The following PSTPIP2 variants were observed in gnomAD, a reference collection of about 807,000 sequenced individuals.
PSTPIP2 encodes the protein proline-serine-threonine phosphatase-interacting protein 2.
A neutral mutation model predicts 63.3 loss-of-function variants in PSTPIP2; 33 were observed. The ratio of observed to expected loss-of-function variants is 0.52; its 90% CI spans 0.40 to 0.70. The LOEUF is 0.70. Among genes scored for constraint, PSTPIP2 ranks in the 30% least tolerant of loss-of-function variants. The probability of loss-of-function intolerance (pLI) is 0.00; values close to 1 mark genes in which losing one functional copy is unlikely to be tolerated. For missense variants in PSTPIP2, 312 were observed against 400.7 expected, an observed-to-expected ratio of 0.78 and a Z score of 1.89; for synonymous variants, 125 against 132.7, an observed-to-expected ratio of 0.94 and a Z score of 0.40.
chr18:46,069,113 G>C (rs560031748), intron 1 of PSTPIP2, among the ~76,000 whole-genome samples: 2 of 152,172 alleles, frequency 1.3e-5, no homozygotes, highest in African/African-American at 4.8e-5. Flanking sequence ...GTTCAGGGAC[G>C]ATTTGGACCT....
chr18:45,985,323 A>G lies in PSTPIP2; in HGVS notation c.*136T>C. ...CCTAAATGTCTACCATAAATTTTAAATCTCTAAAAAATTATAGCAAGGGTT... is the reference window on the plus strand; with the variant it reads ...CCTAAATGTCTACCATAAATTTTAAGTCTCTAAAAAATTATAGCAAGGGTT... On this transcript the variant is annotated 3_prime_UTR_variant, in exon 15 of 15. Coordinates refer to ENST00000409746, the MANE Select transcript of PSTPIP2 (RefSeq NM_024430.4). 7.8e-7 allele frequency: 1 copy of G among 1,280,430 alleles called. No individual in the cohort carries two copies. The highest frequency in any genetic ancestry group is 1.1e-6 in the Non-Finnish European group (1 of 915,068). The allele number at this position is 1,280,430 out of a possible 1,614,324, so 79.3% of individuals were successfully genotyped here.
intron 2 of PSTPIP2, among the ~76,000 whole-genome samples, chr18:46,027,584 G>C (rs1232507662): frequency 6.6e-6 from 1 of 152,050 alleles, no homozygotes; most frequent in Admixed American, 6.6e-5. Context: ...CTGCTACTCA[G>C]GAGGCGGAGG....
At chr18:46,019,979 G>A (rs1213791328) in intron 3 of PSTPIP2, among the ~76,000 whole-genome samples, 1 of 152,150 alleles carries the variant, frequency 6.6e-6, no homozygotes, top group African/African-American at 2.4e-5. Context: ...TAGATTGAAA[G>A]GCCAGCCTTA....
intron 1 of PSTPIP2, among the ~76,000 whole-genome samples, chr18:46,052,547 G>A (rs530976541): frequency 2.0e-5 from 3 of 149,116 alleles, no homozygotes; most frequent in East Asian, 4.1e-4. Context: ...CAAGTTAATA[G>A]AAAATGTTTA....
At position 45,985,346 on chromosome 18, in the gene PSTPIP2, G is replaced by T. The variant is rs1028350699; in HGVS notation, c.*113C>A. 13 of 1,411,170 alleles carry T rather than the reference G, an allele frequency of 9.2e-6. No individual in the cohort carries two copies. In the African/African-American group the frequency reaches 1.3e-4, roughly 15 times the overall value. The allele number at this position is 1,411,170 out of a possible 1,614,324, so 87.4% of individuals were successfully genotyped here. ...AAATCTCTAAAAAATTATAGCAAGG[G>T]TTCACTTCAAAGTCTTCATTGCTGA... On this transcript the variant is annotated 3_prime_UTR_variant, in exon 15 of 15. Coordinates refer to ENST00000409746, the MANE Select transcript of PSTPIP2 (RefSeq NM_024430.4).
At chr18:46,044,134 C>CTTTATA (rs1908293238) in intron 1 of PSTPIP2, among the ~76,000 whole-genome samples, 1 of 152,106 alleles carries the variant, frequency 6.6e-6, no homozygotes, top group African/African-American at 2.4e-5. Context: ...ATTTGCAAGT[C>CTTTATA]AGACCTAAAA....
chr18:46,053,146 C>G (rs1908639716), intron 1 of PSTPIP2, among the ~76,000 whole-genome samples: 1 of 152,142 alleles, frequency 6.6e-6, no homozygotes, highest in African/African-American at 2.4e-5. Context: ...AGTGGGTCAG[C>G]CTTCTCCAAT....
intron 1 of PSTPIP2, 118 bp downstream of exon 1, chr18:46,072,038 C>T: frequency 7.7e-7 from 1 of 1,304,508 alleles, no homozygotes; most frequent in Non-Finnish European, 1.0e-6. Flanking sequence ...CGCCAAGCCC[C>T]CGGGCGCGCG....
At chr18:46,003,016 T>C (rs528050380) in intron 6 of PSTPIP2, among the ~76,000 whole-genome samples, 2 of 152,324 alleles carry the variant, frequency 1.3e-5, no homozygotes, top group East Asian at 3.9e-4. Flanking sequence ...TTAAGGCTTC[T>C]GTTTTAGCTA....
At chr18:46,052,851 T>C (rs1373566046) in intron 1 of PSTPIP2, among the ~76,000 whole-genome samples, 1 of 152,218 alleles carries the variant, frequency 6.6e-6, no homozygotes, top group Non-Finnish European at 1.5e-5. Context: ...TCAAAGAGTC[T>C]ATTTACTTTC....
intron 1 of PSTPIP2, among the ~76,000 whole-genome samples, chr18:46,060,257 C>T (rs1480870239): frequency 1.3e-5 from 2 of 151,950 alleles, no homozygotes; most frequent in African/African-American, 4.8e-5. Context: ...ACTGCAATTC[C>T]TTAAATTTTT....
At chr18:46,027,297 AAAATAAATAAATAAATAAAT>A (rs67989237) in intron 2 of PSTPIP2, among the ~76,000 whole-genome samples, 37 of 141,822 alleles carry the variant, frequency 2.6e-4, no homozygotes, top group East Asian at 2.4e-3. Context: ...CTCCATCTCA[AAAATAAATAAATAAATAAAT>A]AAATAAATAA....
intron 1 of PSTPIP2, among the ~76,000 whole-genome samples, chr18:46,067,220 A>T (rs866352918): frequency 1.4e-4 from 22 of 151,938 alleles, no homozygotes; most frequent in African/African-American, 5.3e-4. Context: ...AATTCGACCT[A>T]GGCTGGGCGC....
chr18:45,998,889 G>C, intron 7 of PSTPIP2, 50 bp from the exon 8 acceptor site: 1 of 1,604,814 alleles, frequency 6.2e-7, no homozygotes, highest in African/African-American at 1.3e-5. Context: ...TGGGAATGCT[G>C]GACGAGGCTT....
At chr18:46,059,727 T>C (rs1908922804) in intron 1 of PSTPIP2, among the ~76,000 whole-genome samples, 1 of 152,188 alleles carries the variant, frequency 6.6e-6, no homozygotes, top group Non-Finnish European at 1.5e-5. Flanking sequence ...TCATTTTTTG[T>C]TTAATAAAAA....
chr18:46,042,273 C>T (rs1242806633), intron 1 of PSTPIP2, among the ~76,000 whole-genome samples: 1 of 152,172 alleles, frequency 6.6e-6, no homozygotes, highest in African/African-American at 2.4e-5. Context: ...CATACATACC[C>T]CTCTGTCTTA....
intron 9 of PSTPIP2, chr18:45,994,093 T>C: frequency 3.5e-6 from 1 of 288,912 alleles, no homozygotes. Context: ...GGCAAGATGG[T>C]CATAATTGTT....
At chr18:46,014,631 T>C (rs998172108) in intron 4 of PSTPIP2, among the ~76,000 whole-genome samples, 2 of 152,108 alleles carry the variant, frequency 1.3e-5, no homozygotes, top group Non-Finnish European at 2.9e-5. Flanking sequence ...GAGGATCGCT[T>C]AACCCTGGGA....
intron 6 of PSTPIP2, among the ~76,000 whole-genome samples, chr18:46,002,030 T>C (rs2051673546): frequency 6.6e-6 from 1 of 152,244 alleles, no homozygotes; most frequent in Non-Finnish European, 1.5e-5. Context: ...TAACAGTTCT[T>C]TTCTTTCAGC....
Sources: gnomAD v4.1 joint callset for allele counts (sites outside exome capture counted in the v4.1 genomes callset) on GRCh38, gnomAD v4.1.1 for gene constraint, MANE v1.5 for transcripts, NCBI Gene and HGNC (gene_info 2026-07-23, HGNC 2026-07-21) for gene names.